The following ZNF595 variants were observed in gnomAD, a reference collection of about 807,000 sequenced individuals.
The protein encoded by ZNF595 is zinc finger protein 595.
In ZNF595, 9 loss-of-function variants were observed where a neutral mutation model predicts 19.4. That is an observed-to-expected ratio of 0.46 (90% CI 0.28 to 0.81). ZNF595 has a LOEUF of 0.81. Ranked by LOEUF, ZNF595 falls within the 30% of genes least tolerant of loss-of-function variation. The probability of loss-of-function intolerance (pLI) is 0.11; values close to 1 mark genes in which losing one functional copy is unlikely to be tolerated. For synonymous variants in ZNF595, 255 were observed against 255.9 expected, an observed-to-expected ratio of 1.00 and a Z score of 0.03; for missense variants, 729 against 736.0, an observed-to-expected ratio of 0.99 and a Z score of 0.11.
Position 87,715 on chromosome 4 carries a change from A to ATTTTTTTTTTTT in ZNF595, c.*276_*287dup, listed in dbSNP as rs33985555. 8.5e-6 allele frequency: 1 copy of ATTTTTTTTTTTT among 117,586 alleles called. No individual in the cohort carries two copies. The highest frequency in any genetic ancestry group is 1.7e-5 in the Non-Finnish European group (1 of 59,948). 7.3% of individuals were successfully genotyped at this position (117,586 alleles called of 1,614,324 possible). On this transcript the variant is annotated 3_prime_UTR_variant, in exon 4 of 4. Transcript: ENST00000610261. ...ACACACAGTCCAGTTATACACTTTA[A>ATTTTTTTTTTTT]TTTTTTTTTTTTTTTTTTTTTTTGA...
At chr4:77,493 A>G (rs923413492) in intron 3 of ZNF595, among the ~76,000 whole-genome samples, 1 of 152,234 alleles carries the variant, frequency 6.6e-6, no homozygotes, top group African/African-American at 2.4e-5. Context: ...GTGAAGCCTT[A>G]TTTTGATGTC....
intron 3 of ZNF595, among the ~76,000 whole-genome samples, chr4:69,001 C>G (rs1374946421): frequency 6.6e-6 from 1 of 152,202 alleles, no homozygotes. Context: ...TGAGAACATG[C>G]AAAGTTTGCC....
intron 3 of ZNF595, among the ~76,000 whole-genome samples, chr4:84,946 T>C (rs1189395030): frequency 2.6e-5 from 4 of 152,210 alleles, no homozygotes; most frequent in African/African-American, 7.2e-5. Flanking sequence ...AATTGGGCCA[T>C]GTTGCCCTAA....
intron 3 of ZNF595, among the ~76,000 whole-genome samples, chr4:77,317 T>G (rs1553798890): frequency 7.4e-6 from 1 of 135,796 alleles, no homozygotes; most frequent in African/African-American, 2.8e-5. Flanking sequence ...GTTCATGTGT[T>G]CTTGCAAAAA....
intron 3 of ZNF595, among the ~76,000 whole-genome samples, chr4:71,939 G>C (rs1352814975): frequency 6.6e-6 from 1 of 151,982 alleles, no homozygotes; most frequent in Non-Finnish European, 1.5e-5. Context: ...CAGGCACACA[G>C]AGGCACACAG....
Position 75,424 on chromosome 4 carries a change from A to G in ZNF595, c.227-10307A>G, listed in dbSNP as rs374484834. Among the ~76,000 whole-genome samples, 35 of 152,304 alleles carry G rather than the reference A, an allele frequency of 2.3e-4. No homozygotes were observed. In the East Asian group the frequency reaches 6.7e-3, roughly 29 times the overall value. Reference sequence around the variant, plus strand: ...TCACTTTTATAATAGACCCACTCTCATCATGACTAACCCACTGTTGAAATA... The same window carrying G: ...TCACTTTTATAATAGACCCACTCTCGTCATGACTAACCCACTGTTGAAATA... On this transcript the variant is annotated intron_variant, in intron 3 of 3. Transcript: ENST00000610261.
chr4:78,635 T>C lies in ZNF595; in HGVS notation c.227-7096T>C, dbSNP rs149615398. The stretch of plus-strand genomic sequence containing the variant: ...AAACAGTTTTGTTATTTGAAGGTGA[T>C]TTTTGAAAAATGAAACCTTTTTAGG... On this transcript the variant is annotated intron_variant, in intron 3 of 3. Transcript: ENST00000610261. 5.3e-3 allele frequency among the ~76,000 whole-genome samples: 812 copies of C among 152,342 alleles called. 7 individuals are homozygous for C. The highest frequency in any genetic ancestry group is 0.019 in the African/African-American group (780 of 41,582).
At chr4:77,020 T>C (rs1297815322) in intron 3 of ZNF595, among the ~76,000 whole-genome samples, 2 of 152,182 alleles carry the variant, frequency 1.3e-5, no homozygotes, top group Non-Finnish European at 2.9e-5. Context: ...TAGGACATTA[T>C]CTTTAAACAA....
Position 86,789 on chromosome 4 carries a change from T to C in ZNF595, c.1285T>C (p.Cys429Arg), listed in dbSNP as rs782758942. 2 of 1,613,786 alleles carry C rather than the reference T, an allele frequency of 1.2e-6. No homozygotes were observed. The highest frequency in any genetic ancestry group is 1.7e-6 in the Non-Finnish European group (2 of 1,179,920). ...TGEKPYTCEE[C>R]GKAFNQSSTL... ...AGAGAAACCCTACACGTGCGAAGAA[T>C]GTGGCAAAGCTTTTAACCAATCCTC... is the stretch of plus-strand genomic sequence containing the variant. Residue 429 changes from cysteine to arginine, a missense_variant, in exon 4 of 4, where the codon TGT becomes CGT. By Grantham distance (180) the Cys-to-Arg change is radical. Transcript: ENST00000610261.
intron 3 of ZNF595, among the ~76,000 whole-genome samples, chr4:75,183 T>A (rs185518759): frequency 6.6e-6 from 1 of 152,366 alleles, no homozygotes; most frequent in East Asian, 1.9e-4. Flanking sequence ...TATGGTTGAT[T>A]TTATAAATCT....
At chr4:84,803 A>T (rs1714065802) in intron 3 of ZNF595, among the ~76,000 whole-genome samples, 1 of 152,042 alleles carries the variant, frequency 6.6e-6, no homozygotes, top group Admixed American at 6.6e-5. Context: ...GTTTTCATCG[A>T]TACCTCATTT....
intron 3 of ZNF595, among the ~76,000 whole-genome samples, chr4:75,957 A>C (rs1553798646): frequency 1.3e-5 from 2 of 152,044 alleles, no homozygotes; most frequent in African/African-American, 4.8e-5. Flanking sequence ...TGGTGCATTC[A>C]CAGCTCAGTG....
chr4:77,895 G>A lies in ZNF595; in HGVS notation c.227-7836G>A, dbSNP rs527964031. On this transcript the variant is annotated intron_variant, in intron 3 of 3. Coordinates refer to ENST00000610261, the MANE Select transcript of ZNF595 (RefSeq NM_182524.4). ...ATGCTCTAACCTGGTCATTGGACAGGCTCCTAGATGAGCAGTACTGACCCT... is the reference window on the plus strand; with the variant it reads ...ATGCTCTAACCTGGTCATTGGACAGACTCCTAGATGAGCAGTACTGACCCT... Among the ~76,000 whole-genome samples the A allele has an allele frequency of 2.4e-4, 36 of 152,264 alleles. 1 individual carries two copies. In the South Asian group the frequency reaches 7.5e-3, roughly 32 times the overall value.
At chr4:68,745 CTTTA>C (rs1556113684) in intron 3 of ZNF595, among the ~76,000 whole-genome samples, 2 of 152,164 alleles carry the variant, frequency 1.3e-5, no homozygotes, top group Non-Finnish European at 2.9e-5. Context: ...ACTATTTGTT[CTTTA>C]TTTTACGAAC....
Position 58,011 on chromosome 4 carries a change from G to A in ZNF595, c.4-1419G>A, listed in dbSNP as rs1581315466. ...TAGTGGCCTAGAGAGCAGAAGCCTA[G>A]GGCCCATTTTCTGTCCCAACTTTGC... On this transcript the variant is annotated intron_variant, in intron 1 of 3. Transcript: ENST00000610261. Among the ~76,000 whole-genome samples, 3 of 151,644 alleles carry A rather than the reference G, an allele frequency of 2.0e-5. No homozygotes were observed. In the South Asian group the frequency reaches 6.2e-4, roughly 31 times the overall value.
At position 87,238 on chromosome 4, in the gene ZNF595, C is replaced by G. The variant is rs1428524141; in HGVS notation, c.1734C>G (p.Thr578=). ...GCAAAGCCTATAACTTATCCTCAACCCTTACTAAACATAAGAGAATTCATA... is the reference window on the plus strand; with the variant it reads ...GCAAAGCCTATAACTTATCCTCAACGCTTACTAAACATAAGAGAATTCATA... ...ECGKAYNLSS[T]LTKHKRIHTG... is the part of the protein sequence containing the mutation. The change falls in exon 4 of 4, where the codon ACC becomes ACG. Residue 578 remains threonine (T), a synonymous_variant. Coordinates refer to ENST00000610261, the MANE Select transcript of ZNF595 (RefSeq NM_182524.4). The G allele has an allele frequency of 6.3e-7, 1 of 1,594,496 alleles. No homozygotes were observed. Among genetic ancestry groups the G allele is most frequent in the Non-Finnish European group, 8.6e-7 (1 of 1,167,456 alleles).
rs1430108261 is a variant in ZNF595 at position 63,129 on chromosome 4, A to C, written c.226+2976A>C. ...TCAAAGATTAGTTGACCTTGTATGC[A>C]TGGATATGTTTCTGGGCTCCCTATT... On this transcript the variant is annotated intron_variant, in intron 3 of 3. Transcript: ENST00000610261. Among the ~76,000 whole-genome samples the C allele has an allele frequency of 2.1e-3, 290 of 135,054 alleles. 28 individuals are homozygous for C. Among genetic ancestry groups the C allele is most frequent in the African/African-American group, 7.9e-3 (262 of 33,220 alleles). 88.6% of individuals were successfully genotyped at this position (135,054 alleles called of 152,430 possible).
rs782000971 is a variant in ZNF595 at position 87,433 on chromosome 4, T to G, written c.1929T>G (p.Thr643=). 7.5e-6 allele frequency: 12 copies of G among 1,596,898 alleles called. No homozygotes were observed. The highest frequency in any genetic ancestry group is 6.9e-5 in the Admixed American group (4 of 58,118). ...STLTVHKRIH[T]GKEHS ...TTACTGTACACAAGCGAATTCATAC[T>G]GGCAAGGAACATAGTTGAATGACAT... is the stretch of plus-strand genomic sequence containing the variant. The change falls in exon 4 of 4, where the codon ACT becomes ACG. Residue 643 remains threonine (T), a synonymous_variant. Transcript: ENST00000610261.
chr4:80,662 CA>C (rs1211629645), intron 3 of ZNF595, among the ~76,000 whole-genome samples: 2 of 152,020 alleles, frequency 1.3e-5, no homozygotes, highest in African/African-American at 4.8e-5. Context: ...CAGGCAGGGA[CA>C]GGGGTCACAA....
Sources: gnomAD v4.1 joint callset for allele counts (sites outside exome capture counted in the v4.1 genomes callset) on GRCh38, gnomAD v4.1.1 for gene constraint, MANE v1.5 for transcripts, NCBI Gene and HGNC (gene_info 2026-07-23, HGNC 2026-07-21) for gene names.